The following CARMIL1 variants were observed in gnomAD, a reference collection of about 807,000 sequenced individuals.
CARMIL1 encodes the protein F-actin-uncapping protein LRRC16A.
Under a neutral mutation model 177.1 loss-of-function variants are expected in CARMIL1, and 90 were observed. That is an observed-to-expected ratio of 0.51 (90% CI 0.43 to 0.61). The LOEUF is 0.61. Among genes scored for constraint, CARMIL1 ranks in the 20% least tolerant of loss-of-function variants. CARMIL1 has a pLI of 0.00. For missense variants in CARMIL1, 1,380 were observed against 1,667.0 expected, an observed-to-expected ratio of 0.83 and a Z score of 3.00; for synonymous variants, 577 against 606.2, an observed-to-expected ratio of 0.95 and a Z score of 0.71.
At chr6:25,603,341 A>G (rs1055665806) in intron 33 of CARMIL1, among the ~76,000 whole-genome samples, 5 of 152,196 alleles carry the variant, frequency 3.3e-5, no homozygotes, top group Admixed American at 6.5e-5. Context: ...CAGTGCTTGT[A>G]TACACATTTC....
chr6:25,368,073 T>C (rs1790028185), intron 2 of CARMIL1, among the ~76,000 whole-genome samples: 1 of 152,188 alleles, frequency 6.6e-6, no homozygotes, highest in East Asian at 1.9e-4. Flanking sequence ...TTCAGACCTT[T>C]CCACGTCAGC....
At chr6:25,579,106 T>A (rs924639724) in intron 29 of CARMIL1, among the ~76,000 whole-genome samples, 4 of 149,310 alleles carry the variant, frequency 2.7e-5, no homozygotes, top group Non-Finnish European at 3.0e-5. Flanking sequence ...ATAGTACATA[T>A]TTTTATATGT....
intron 3 of CARMIL1, among the ~76,000 whole-genome samples, chr6:25,422,141 A>C (rs6921589): frequency 0.85 from 129,151 of 152,198 alleles, 55,149 homozygotes; most frequent in East Asian, 0.97. Flanking sequence ...CTACTTATTT[A>C]GACTTTTTAC....
chr6:25,604,308 G>A (rs1368115005), intron 33 of CARMIL1, among the ~76,000 whole-genome samples: 2 of 152,094 alleles, frequency 1.3e-5, no homozygotes, highest in Non-Finnish European at 1.5e-5. Flanking sequence ...TCAAGCTCGT[G>A]ACCTCAAACA....
At chr6:25,443,712 G>GT in intron 5 of CARMIL1, among the ~76,000 whole-genome samples, 1 of 152,138 alleles carries the variant, frequency 6.6e-6, no homozygotes. Context: ...GAATTGTAAT[G>GT]TTTTTGCTGG....
chr6:25,317,561 A>T (rs1429331210), intron 2 of CARMIL1, among the ~76,000 whole-genome samples: 14 of 71,562 alleles, frequency 2.0e-4, no homozygotes, highest in African/African-American at 5.8e-4. Flanking sequence ...TTTACTTAGG[A>T]CTTTTTTTTT....
chr6:25,445,674 A>G (rs78354561), intron 5 of CARMIL1, among the ~76,000 whole-genome samples: 15,406 of 151,530 alleles, frequency 0.1, 866 homozygotes, highest in East Asian at 0.2. Flanking sequence ...AACTGGGACT[A>G]CAGGTGCCCG....
At chr6:25,595,266 A>G (rs1474473954) in intron 32 of CARMIL1, among the ~76,000 whole-genome samples, 1 of 107,194 alleles carries the variant, frequency 9.3e-6, no homozygotes, top group East Asian at 3.3e-4. Context: ...CTTTATGAAG[A>G]TTCTCACCTT....
At chr6:25,361,932 A>G (rs900170265) in intron 2 of CARMIL1, among the ~76,000 whole-genome samples, 1 of 152,166 alleles carries the variant, frequency 6.6e-6, no homozygotes, top group African/African-American at 2.4e-5. Flanking sequence ...TAAGAAATAC[A>G]TTTCTTTTTC....
intron 5 of CARMIL1, among the ~76,000 whole-genome samples, chr6:25,442,468 A>G (rs200298003): frequency 2.7e-5 from 4 of 148,870 alleles, no homozygotes; most frequent in Admixed American, 6.7e-5. Flanking sequence ...GTGTGTGTGT[A>G]TGTGTGTGTG....
intron 24 of CARMIL1, among the ~76,000 whole-genome samples, chr6:25,530,263 A>C (rs192697225): frequency 1.3e-5 from 2 of 152,152 alleles, no homozygotes; most frequent in Non-Finnish European, 2.9e-5. Flanking sequence ...TCACGCCTGC[A>C]ATCTCAACGC....
At chr6:25,335,585 G>A (rs767166855) in intron 2 of CARMIL1, among the ~76,000 whole-genome samples, 4 of 152,222 alleles carry the variant, frequency 2.6e-5, no homozygotes, top group African/African-American at 9.7e-5. Context: ...ATAGGATGAA[G>A]ATATTTTACA....
chr6:25,321,599 G>A (rs1264258294), intron 2 of CARMIL1, among the ~76,000 whole-genome samples: 1 of 152,006 alleles, frequency 6.6e-6, no homozygotes, highest in African/African-American at 2.4e-5. Flanking sequence ...TGAATATTCA[G>A]TACTGTTTTA....
chr6:25,565,023 T>TA (rs965113046), intron 29 of CARMIL1, among the ~76,000 whole-genome samples: 3 of 152,170 alleles, frequency 2.0e-5, no homozygotes, highest in African/African-American at 7.2e-5. Context: ...TAGCTGCTGT[T>TA]ACAATGAGAG....
intron 17 of CARMIL1, among the ~76,000 whole-genome samples, chr6:25,504,985 G>A (rs371315842): frequency 7.2e-5 from 11 of 152,320 alleles, no homozygotes; most frequent in South Asian, 2.1e-4. Context: ...CATCTGGGGA[G>A]TAAAAGGTTT....
chr6:25,321,556 A>G (rs368874784), intron 2 of CARMIL1, among the ~76,000 whole-genome samples: 1 of 149,116 alleles, frequency 6.7e-6, no homozygotes, highest in East Asian at 1.9e-4. Flanking sequence ...AAAATAACAA[A>G]AATACCATCT....
intron 15 of CARMIL1, among the ~76,000 whole-genome samples, chr6:25,494,147 T>A (rs886641858): frequency 6.6e-6 from 1 of 151,182 alleles, no homozygotes; most frequent in Non-Finnish European, 1.5e-5. Context: ...TATTATACTT[T>A]AAGTTTTAGG....
At chr6:25,591,758 T>C (rs1263390584) in intron 31 of CARMIL1, among the ~76,000 whole-genome samples, 1 of 152,178 alleles carries the variant, frequency 6.6e-6, no homozygotes, top group Non-Finnish European at 1.5e-5. Context: ...ATGGAAGATC[T>C]CCCAGTGATA....
Position 25,399,443 on chromosome 6 carries a change from T to C in CARMIL1, c.139-20671T>C, listed in dbSNP as rs537513737. The stretch of plus-strand genomic sequence containing the variant: ...TTCTAAGTGTATCGTGGATGGTTTA[T>C]GTTTGGTGACTGGATATGAGGCAGA... On this transcript the variant is annotated intron_variant, in intron 2 of 36. Coordinates refer to ENST00000329474, the MANE Select transcript of CARMIL1 (RefSeq NM_017640.6). Among the ~76,000 whole-genome samples the C allele has an allele frequency of 9.8e-5, 15 of 152,318 alleles. 1 individual carries two copies. The East Asian group carries it at 2.7e-3, about 27-fold the overall frequency.
Sources: allele counts gnomAD v4.1 joint callset (sites outside exome capture counted in the v4.1 genomes callset), GRCh38; gene constraint gnomAD v4.1.1; transcripts MANE v1.5; gene names NCBI Gene and HGNC (gene_info 2026-07-23, HGNC 2026-07-21).